The following ZNF845 variants were observed in gnomAD, a reference collection of about 807,000 sequenced individuals.
The protein encoded by ZNF845 is zinc finger protein 845.
Under a neutral mutation model 76.1 loss-of-function variants are expected in ZNF845, and 59 were observed. That is an observed-to-expected ratio of 0.78 (90% confidence interval 0.63 to 0.96). The LOEUF is 0.96. ZNF845 is among the 40% of genes least tolerant of loss of function. The probability of loss-of-function intolerance (pLI) is 0.00; values close to 1 mark genes in which losing one functional copy is unlikely to be tolerated. For missense variants in ZNF845, 1,045 were observed against 1,172.8 expected, an observed-to-expected ratio of 0.89 and a Z score of 1.59; for synonymous variants, 361 against 386.9, an observed-to-expected ratio of 0.93 and a Z score of 0.78.
intron 1 of ZNF845, among the ~76,000 whole-genome samples, chr19:53,340,025 G>A (rs557434119): frequency 6.6e-6 from 1 of 152,126 alleles, no homozygotes; most frequent in Non-Finnish European, 1.5e-5. Context: ...TGGGACTACA[G>A]GCACACGCCA....
Position 53,341,228 on chromosome 19 carries a change from C to T in ZNF845, c.-73-7C>T. On this transcript the variant is annotated splice_polypyrimidine_tract_variant and splice_region_variant and intron_variant, in intron 1 of 3. Coordinates refer to ENST00000458035, the MANE Select transcript of ZNF845 (RefSeq NM_138374.3). ...TGAGCAATAAACAACATATTTTTAA[C>T]ATTCAGGATTGACTTCTAAAGACTC... is the stretch of plus-strand genomic sequence containing the variant. 6.4e-7 allele frequency: 1 copy of T among 1,573,190 alleles called. No homozygotes were observed. Among genetic ancestry groups the T allele is most frequent in the Non-Finnish European group, 8.7e-7 (1 of 1,144,418 alleles).
At position 53,351,477 on chromosome 19, in the gene ZNF845, A is replaced by G. The variant is rs757477372; in HGVS notation, c.802A>G (p.Lys268Glu). The G allele has an allele frequency of 3.7e-6, 6 of 1,614,226 alleles. No homozygotes were observed. The Admixed American group carries it at 5.0e-5, about 13-fold the overall frequency. ...ATGTCATCGTAGATGTCACACTGGC[A>G]AGAAACCTTACAAGTGTAATGATTG... ...LACHRRCHTG[K>E]KPYKCNDCGK... The change falls in exon 4 of 4, where the codon AAG (lysine) becomes GAG (glutamate). Residue 268 changes from lysine to glutamate, a missense_variant. Physicochemically the swap from Lys to Glu is moderately conservative, Grantham distance 56. Coordinates refer to ENST00000458035, the MANE Select transcript of ZNF845 (RefSeq NM_138374.3).
Position 53,353,509 on chromosome 19 carries a change from G to A in ZNF845, c.2834G>A (p.Cys945Tyr). The A allele has an allele frequency of 1.2e-6, 2 of 1,613,550 alleles. No homozygotes were observed. The highest frequency in any genetic ancestry group is 1.1e-5 in the South Asian group (1 of 90,938). Residue 945 changes from cysteine (C) to tyrosine (Y), a missense_variant, in exon 4 of 4, where the codon TGT becomes TAT. Transcript: ENST00000458035. Reference protein sequence around the residue: ...TIHTGEKPYKCNECGKVFNRK... With the variant: ...TIHTGEKPYKYNECGKVFNRK... ...CATACTGGAGAGAAACCTTACAAGT[G>A]TAATGAATGTGGCAAGGTTTTTAAT...
chr19:53,346,483 C>G, intron 3 of ZNF845: 1 of 278,300 alleles, frequency 3.6e-6, no homozygotes, highest in South Asian at 2.6e-5. Flanking sequence ...GAGCTCAAAA[C>G]CAGCCTGGCT....
rs1044379584 is a variant in ZNF845 at position 53,353,788 on chromosome 19, G to T, written c.*200G>T. On this transcript the variant is annotated 3_prime_UTR_variant, in exon 4 of 4. Transcript: ENST00000458035. ...CTGAGTGTGGCAAAGCCTTTAGTGG[G>T]CAGTCAACACTTATTCACCATCAGG... The T allele has an allele frequency of 1.9e-5, 28 of 1,509,862 alleles. No individual in the cohort carries two copies. The highest frequency in any genetic ancestry group is 2.3e-5 in the Admixed American group (1 of 43,666). 93.5% of individuals were successfully genotyped at this position (1,509,862 alleles called of 1,614,324 possible).
At chr19:53,345,941 G>A (rs946965675) in intron 3 of ZNF845, among the ~76,000 whole-genome samples, 3 of 150,872 alleles carry the variant, frequency 2.0e-5, no homozygotes, top group Non-Finnish European at 2.9e-5. Flanking sequence ...TTGGTCTCCT[G>A]GGCTCAAGAG....
At chr19:53,334,240 C>T (rs1267570034) in intron 1 of ZNF845, among the ~76,000 whole-genome samples, 1 of 152,102 alleles carries the variant, frequency 6.6e-6, no homozygotes, top group East Asian at 1.9e-4. Flanking sequence ...GGGGAGGTGC[C>T]CGGGGCTGTC....
rs75887836 is a variant in ZNF845 at position 53,345,526 on chromosome 19, T to C, written c.36T>C (p.Asp12=). 155,021 of 1,604,818 alleles carry C rather than the reference T, an allele frequency of 0.097. 8,218 individuals carry two copies. The highest frequency in any genetic ancestry group is 0.19 in the Middle Eastern group (1,139 of 6,036). The change falls in exon 3 of 4, where the codon GAT becomes GAC. Residue 12 remains aspartate, a synonymous_variant. Coordinates refer to ENST00000458035, the MANE Select transcript of ZNF845 (RefSeq NM_138374.3). The part of the protein sequence containing the change: ...ALSQGLLTFR[D]VAIEFSQEEW... ...TTCAGGGTCTATTGACATTCAGGGA[T>C]GTGGCCATAGAATTCTCTCAGGAAG...
At chr19:53,345,707 A>C (rs543237844) in intron 3 of ZNF845, 75 bp downstream of exon 3, 2 of 1,598,702 alleles carry the variant, frequency 1.3e-6, no homozygotes, top group African/African-American at 2.7e-5. Context: ...TTTAGATACA[A>C]TGTCTTGCTC....
intron 2 of ZNF845, among the ~76,000 whole-genome samples, chr19:53,342,864 G>A (rs557725379): frequency 6.6e-6 from 1 of 152,036 alleles, no homozygotes; most frequent in African/African-American, 2.4e-5. Flanking sequence ...TGTTGCCCAC[G>A]CTGGAGTATA....
intron 2 of ZNF845, among the ~76,000 whole-genome samples, chr19:53,344,711 A>G (rs2085282676): frequency 6.7e-6 from 1 of 149,960 alleles, no homozygotes; most frequent in Admixed American, 6.7e-5. Context: ...GCTCACCACA[A>G]CCTCCGCCTC....
Position 53,351,167 on chromosome 19 carries a change from T to G in ZNF845, c.492T>G (p.Val164=), listed in dbSNP as rs2085331676. The G allele has an allele frequency of 6.2e-7, 1 of 1,614,222 alleles. No individual in the cohort carries two copies. Among genetic ancestry groups the G allele is most frequent in the Non-Finnish European group, 8.5e-7 (1 of 1,180,044 alleles). Residue 164 remains valine (V), a synonymous_variant, in exon 4 of 4, where the codon GTT becomes GTG. Coordinates refer to ENST00000458035, the MANE Select transcript of ZNF845 (RefSeq NM_138374.3). Reference sequence around the variant, plus strand: ...CCGAAGGGAAAATTGGTAATCAAGTTGAGAAGTCTATCAACAGTGCTTCGT... The same window carrying G: ...CCGAAGGGAAAATTGGTAATCAAGTGGAGAAGTCTATCAACAGTGCTTCGT... The part of the protein sequence containing the change: ...FQTEGKIGNQ[V]EKSINSASLV...
chr19:53,342,887 C>T (rs917700645), intron 2 of ZNF845, among the ~76,000 whole-genome samples: 6 of 152,002 alleles, frequency 3.9e-5, no homozygotes, highest in Admixed American at 6.6e-5. Flanking sequence ...GGCATGATCT[C>T]GGCTCACTGC....
chr19:53,341,672 G>A (rs1599973058), intron 2 of ZNF845, among the ~76,000 whole-genome samples: 2 of 152,308 alleles, frequency 1.3e-5, no homozygotes, highest in Admixed American at 6.5e-5. Context: ...GATTAGAGCA[G>A]CTGCCAATGG....
In ZNF845 at chr19:53,355,562, T is replaced by G; in HGVS notation, c.*1974T>G. 1 of 152,180 alleles carries G rather than the reference T, an allele frequency of 6.6e-6. No individual in the cohort carries two copies. The highest frequency in any genetic ancestry group is 1.5e-5 in the Non-Finnish European group (1 of 68,034). 9.4% of individuals were successfully genotyped at this position (152,180 alleles called of 1,614,324 possible). On this transcript the variant is annotated 3_prime_UTR_variant, in exon 4 of 4. Coordinates refer to ENST00000458035, the MANE Select transcript of ZNF845 (RefSeq NM_138374.3). Reference sequence around the variant, plus strand: ...CGCCCACTTCGGACTTGCAAATTGCTGGGATTATGGGTGTGAGCCATGAGC... The same window carrying G: ...CGCCCACTTCGGACTTGCAAATTGCGGGGATTATGGGTGTGAGCCATGAGC...
In ZNF845 at chr19:53,356,791, A is replaced by T. The variant is rs138047017; in HGVS notation, c.*3203A>T. The T allele has an allele frequency of 0.011, 1,614 of 151,562 alleles. 7 individuals carry two copies. Among genetic ancestry groups the T allele is most frequent in the Non-Finnish European group, 0.017 (1,159 of 67,896 alleles). 9.4% of individuals were successfully genotyped at this position (151,562 alleles called of 1,614,324 possible). ...AAAAATACAAAAAATTAGCTGGGCG[A>T]GGTGGCAGGCACCTGTAGTCCCAGC... On this transcript the variant is annotated 3_prime_UTR_variant, in exon 4 of 4. Coordinates refer to ENST00000458035, the MANE Select transcript of ZNF845 (RefSeq NM_138374.3).
intron 1 of ZNF845, among the ~76,000 whole-genome samples, chr19:53,334,745 CA>C (rs376494549): frequency 0.093 from 13,207 of 141,272 alleles, 716 homozygotes; most frequent in African/African-American, 0.14. Context: ...CCATCTCTGT[CA>C]AAAAAAAAAA....
chr19:53,341,325 G>A lies in ZNF845; in HGVS notation c.15+3G>A. On this transcript the variant is annotated splice_donor_region_variant and intron_variant, in intron 2 of 3. Transcript: ENST00000458035. ...AGTCAGGGATGGCTCTTTCTCAGGT[G>A]AGATGATATGTTGGGTGGATTGTTC... 1 of 1,614,060 alleles carries A rather than the reference G, an allele frequency of 6.2e-7. No homozygotes were observed. The highest frequency in any genetic ancestry group is 1.7e-4 in the Middle Eastern group (1 of 6,058).
At position 53,352,225 on chromosome 19, in the gene ZNF845, A is replaced by G. The variant is rs773747107; in HGVS notation, c.1550A>G (p.His517Arg). The G allele has an allele frequency of 3.7e-5, 60 of 1,613,832 alleles. No individual in the cohort carries two copies. The East Asian group carries it at 8.0e-4, about 22-fold the overall frequency. Residue 517 changes from histidine (H) to arginine (R), a missense_variant, in exon 4 of 4, where the codon CAT (histidine) becomes CGT (arginine). His to Arg is a conservative substitution (Grantham distance 29). Coordinates refer to ENST00000458035, the MANE Select transcript of ZNF845 (RefSeq NM_138374.3). ...AACCTTGAAAGACATAGGATAATTC[A>G]TACTGGAGAGAAACTTTACAAGTGT... is the stretch of plus-strand genomic sequence containing the variant. ...KSNLERHRII[H>R]TGEKLYKCNE...
Sources: allele counts gnomAD v4.1 joint callset (sites outside exome capture counted in the v4.1 genomes callset), GRCh38; gene constraint gnomAD v4.1.1; transcripts MANE v1.5; gene names NCBI Gene and HGNC (gene_info 2026-07-23, HGNC 2026-07-21).